Variants in BDH1 observed in about 807,000 individuals in gnomAD.
BDH1 encodes 3-hydroxybutyrate dehydrogenase 1, also known as D-beta-hydroxybutyrate dehydrogenase, mitochondrial.
In BDH1, 30 loss-of-function variants were observed where a neutral mutation model predicts 33.1. The ratio of observed to expected loss-of-function variants is 0.91; its 90% CI spans 0.68 to 1.23. BDH1 has a LOEUF of 1.23. BDH1 is among the 50% of genes most tolerant of loss of function. The pLI, the probability that BDH1 is intolerant of heterozygous loss-of-function variation, is 0.00. For synonymous variants in BDH1, 190 were observed against 183.6 expected, an observed-to-expected ratio of 1.03 and a Z score of -0.28; for missense variants, 443 against 464.4, an observed-to-expected ratio of 0.95 and a Z score of 0.42.
intron 3 of BDH1, among the ~76,000 whole-genome samples, chr3:197,542,127 G>A (rs1289192069): frequency 6.6e-6 from 1 of 152,214 alleles, no homozygotes; most frequent in Non-Finnish European, 1.5e-5. Context: ...GCTTGTCCCT[G>A]CCTGGACTGA....
rs534377338 is a variant in BDH1 at position 197,533,642 on chromosome 3, G to A, written c.84-81C>T. ...ACACTGGCCTAGAGCAGCACTGGGT[G>A]TCTCTCCAGCCCCGGCTCCTGGAGA... On this transcript the variant is annotated intron_variant, in intron 3 of 7. Coordinates refer to ENST00000392379, the MANE Select transcript of BDH1 (RefSeq NM_203314.3). 60 of 1,389,156 alleles carry A rather than the reference G, an allele frequency of 4.3e-5. No individual in the cohort carries two copies. The South Asian group carries it at 6.4e-4, about 15-fold the overall frequency. 86.1% of individuals were successfully genotyped at this position (1,389,156 alleles called of 1,614,324 possible).
chr3:197,512,606 C>T (rs191475839), intron 7 of BDH1, among the ~76,000 whole-genome samples: 2 of 152,190 alleles, frequency 1.3e-5, no homozygotes, highest in Non-Finnish European at 2.9e-5. Context: ...CAGCAGGGCA[C>T]AGTGTAATGG....
Position 197,514,349 on chromosome 3 carries a change from C to T in BDH1, c.477G>A (p.Glu159=). 6.2e-7 allele frequency: 1 copy of T among 1,613,864 alleles called. No homozygotes were observed. The highest frequency in any genetic ancestry group is 1.1e-5 in the South Asian group (1 of 91,010). The part of the protein sequence containing the change: ...TFGEVEFTSL[E]TYKQVAEVNL... ...TCACTTCTGCCACCTGCTTGTAGGT[C>T]TCCAGGCTGGTGAACTCCACCTCCC... The change falls in exon 7 of 8, where the codon GAG becomes GAA. Residue 159 remains glutamate (E), a synonymous_variant. Transcript: ENST00000392379. The surrounding 1 kb of genome is among the most constrained non-coding windows in gnomAD (Gnocchi z 4.2).
intron 3 of BDH1, among the ~76,000 whole-genome samples, chr3:197,535,045 T>A (rs1046654386): frequency 1.5e-4 from 23 of 152,202 alleles, no homozygotes; most frequent in African/African-American, 5.5e-4. Flanking sequence ...TAACCTCACA[T>A]GGCAAAGGTC....
At position 197,510,599 on chromosome 3, in the gene BDH1, G is replaced by GTGTGTGTGT. The variant is rs869271269; in HGVS notation, c.*1295_*1296insACACACACA. The stretch of plus-strand genomic sequence containing the variant: ...CCACGCTGAAGCCCTGCAGAACAGG[G>GTGTGTGTGT]GTGTGTGTGTGTGTGTGTGTGTGTG... On this transcript the variant is annotated 3_prime_UTR_variant, in exon 8 of 8. Transcript: ENST00000392379. The GTGTGTGTGT allele has an allele frequency of 1.4e-3, 105 of 75,368 alleles. 5 individuals are homozygous for GTGTGTGTGT. The highest frequency in any genetic ancestry group is 2.4e-3 in the South Asian group (4 of 1,634). The allele number at this position is 75,368 out of a possible 1,614,324, so 4.7% of individuals were successfully genotyped here. A position where few individuals can be genotyped will look rare whatever the true frequency, so the allele number is the denominator to read the frequency against.
chr3:197,539,760 C>T (rs946607550), intron 3 of BDH1, among the ~76,000 whole-genome samples: 4 of 152,230 alleles, frequency 2.6e-5, no homozygotes, highest in Non-Finnish European at 5.9e-5. Context: ...TTCAATTTCC[C>T]ATGATTTCCT....
intron 3 of BDH1, among the ~76,000 whole-genome samples, chr3:197,539,243 A>G (rs999218212): frequency 9.2e-5 from 14 of 152,300 alleles, no homozygotes; most frequent in African/African-American, 3.4e-4. Context: ...GGGTTCAAGC[A>G]ATTCTCCTGC....
intron 1 of BDH1, among the ~76,000 whole-genome samples, chr3:197,564,936 T>G (rs529932278): frequency 9.2e-5 from 14 of 152,174 alleles, no homozygotes; most frequent in Non-Finnish European, 1.5e-4. Context: ...TTTGTTTTGT[T>G]TTTGAGATAG....
intron 2 of BDH1, among the ~76,000 whole-genome samples, chr3:197,551,756 C>T (rs1716590541): frequency 6.6e-6 from 1 of 152,158 alleles, no homozygotes; most frequent in Non-Finnish European, 1.5e-5. Flanking sequence ...TTTATAATGA[C>T]CTTATAACGA....
intron 6 of BDH1, among the ~76,000 whole-genome samples, chr3:197,517,187 C>T (rs964695246): frequency 6.6e-6 from 1 of 151,898 alleles, no homozygotes; most frequent in Non-Finnish European, 1.5e-5. Flanking sequence ...CTTCACCCCA[C>T]CCCTCAGGCA....
At position 197,521,121 on chromosome 3, in the gene BDH1, A is replaced by G. The variant is rs533459998; in HGVS notation, c.409+1519T>C. 1.3e-5 allele frequency among the ~76,000 whole-genome samples: 2 copies of G among 152,302 alleles called. No individual in the cohort carries two copies. Among genetic ancestry groups the G allele is most frequent in the East Asian group, 3.9e-4 (2 of 5,190 alleles). The stretch of plus-strand genomic sequence containing the variant: ...TTCCGCCTCCTTCCCCAGCCACTGA[A>G]GTAGCTGCTCCTGAGAGCTGCCCCA... On this transcript the variant is annotated intron_variant, in intron 6 of 7. Coordinates refer to ENST00000392379, the MANE Select transcript of BDH1 (RefSeq NM_203314.3). The surrounding 1 kb of genome is among the most constrained non-coding windows in gnomAD (Gnocchi z 4.9).
intron 2 of BDH1, among the ~76,000 whole-genome samples, chr3:197,547,782 A>C (rs569131249): frequency 6.3e-4 from 96 of 152,284 alleles, no homozygotes; most frequent in South Asian, 5.4e-3. Context: ...ACTGCGTCGC[A>C]GCCACCACTG....
chr3:197,524,773 T>C (rs1045016053), intron 5 of BDH1, among the ~76,000 whole-genome samples: 9 of 151,684 alleles, frequency 5.9e-5, no homozygotes, highest in Admixed American at 3.9e-4. Context: ...GGATGGGGTG[T>C]GGGAAAGGTG....
At chr3:197,564,454 C>T (rs991992327) in intron 1 of BDH1, among the ~76,000 whole-genome samples, 1 of 151,834 alleles carries the variant, frequency 6.6e-6, no homozygotes, top group African/African-American at 2.4e-5. Context: ...TTTTAAAGTA[C>T]TTGTGACATT....
intron 3 of BDH1, among the ~76,000 whole-genome samples, chr3:197,540,164 C>T (rs1279027299): frequency 1.3e-5 from 2 of 152,002 alleles, no homozygotes; most frequent in Non-Finnish European, 2.9e-5. Context: ...AATTCTCGTG[C>T]CTCTGGCTCC....
chr3:197,524,445 G>GA (rs1437374851), intron 5 of BDH1, among the ~76,000 whole-genome samples: 1 of 152,218 alleles, frequency 6.6e-6, no homozygotes, highest in Non-Finnish European at 1.5e-5. Context: ...CCCCAACCCC[G>GA]GGAATGGAGA....
intron 5 of BDH1, among the ~76,000 whole-genome samples, chr3:197,527,523 G>A (rs1043796059): frequency 3.9e-5 from 6 of 151,988 alleles, no homozygotes; most frequent in South Asian, 2.1e-4. Flanking sequence ...CCCCCATTTC[G>A]CAGGGAGCCC....
intron 6 of BDH1, chr3:197,515,633 T>G: frequency 1.0e-6 from 1 of 985,558 alleles, no homozygotes; most frequent in Non-Finnish European, 1.2e-6. Context: ...AAATGTGTGT[T>G]AGATGAATGA....
chr3:197,527,634 C>G (rs1346766310), intron 5 of BDH1, among the ~76,000 whole-genome samples: 1 of 152,152 alleles, frequency 6.6e-6, no homozygotes, highest in Admixed American at 6.5e-5. Context: ...ACTCTACTCC[C>G]CCCTCATTCT....
Sources: allele counts gnomAD v4.1 joint callset (sites outside exome capture counted in the v4.1 genomes callset), GRCh38; gene constraint gnomAD v4.1.1; non-coding constraint Gnocchi (gnomAD v3.1); transcripts MANE v1.5; gene names NCBI Gene and HGNC (gene_info 2026-07-23, HGNC 2026-07-21).